Variants in DRC9 observed in about 807,000 individuals in gnomAD.
DRC9 encodes the protein dynein regulatory complex subunit 9.
chr3:197,940,353 T>C, the DRC9 span, among the ~76,000 whole-genome samples: 1 of 150,858 alleles, frequency 6.6e-6, no homozygotes, highest in Non-Finnish European at 1.5e-5. Context: ...GCACATGCTA[T>C]GTACAAGATA....
the DRC9 span, among the ~76,000 whole-genome samples, chr3:197,910,386 C>G: frequency 6.6e-6 from 1 of 152,192 alleles, no homozygotes; most frequent in Non-Finnish European, 1.5e-5. Flanking sequence ...GTCATCCCTT[C>G]GTGATCCATT....
the DRC9 span, among the ~76,000 whole-genome samples, chr3:197,941,229 C>T: frequency 7.3e-6 from 1 of 137,902 alleles, no homozygotes; most frequent in African/African-American, 2.7e-5. Flanking sequence ...TCCCTCCCTT[C>T]CCTTCCCTCT....
At chr3:197,925,876 G>GCC in the DRC9 span, 1 of 625,318 alleles carries the variant, frequency 1.6e-6, no homozygotes, top group South Asian at 1.8e-5. Flanking sequence ...GAGCCACCGT[G>GCC]CCCGGCTATG....
At chr3:197,945,221 G>C in the DRC9 span, among the ~76,000 whole-genome samples, 14 of 152,172 alleles carry the variant, frequency 9.2e-5, no homozygotes, top group African/African-American at 3.1e-4. Flanking sequence ...CACTGTGAGG[G>C]AAGACAGCTG....
chr3:197,940,320 T>C, the DRC9 span, among the ~76,000 whole-genome samples: 1 of 148,898 alleles, frequency 6.7e-6, no homozygotes, highest in Non-Finnish European at 1.5e-5. Context: ...TATATATATA[T>C]ATATAATAAT....
chr3:197,925,840 T>C, the DRC9 span, among the ~76,000 whole-genome samples: 148 of 152,272 alleles, frequency 9.7e-4, no homozygotes, highest in African/African-American at 3.3e-3. Flanking sequence ...CGCCTCAGCC[T>C]CCCAAAGTGC....
the DRC9 span, among the ~76,000 whole-genome samples, chr3:197,901,987 C>T: frequency 6.6e-6 from 1 of 152,166 alleles, no homozygotes; most frequent in East Asian, 1.9e-4. The surrounding 1 kb of genome is among the most constrained non-coding windows in gnomAD (Gnocchi z 4.4). Context: ...CACCAGGGGG[C>T]TTGTGTCACC....
chr3:197,904,036 A>ATTTTTTTTTT, the DRC9 span, among the ~76,000 whole-genome samples: 1 of 75,178 alleles, frequency 1.3e-5, no homozygotes, highest in South Asian at 3.9e-4. Context: ...ATATATATAC[A>ATTTTTTTTTT]TACATATATA....
the DRC9 span, among the ~76,000 whole-genome samples, chr3:197,933,049 T>A: frequency 1.8e-3 from 133 of 75,694 alleles, 1 homozygote; most frequent in Middle Eastern, 0.011. Context: ...TACATATATA[T>A]AAAATACATA....
chr3:197,935,312 C>T, the DRC9 span, among the ~76,000 whole-genome samples: 1 of 151,850 alleles, frequency 6.6e-6, no homozygotes, highest in Non-Finnish European at 1.5e-5. Flanking sequence ...TGGTGACGCA[C>T]GCCAGTAATC....
At chr3:197,949,782 G>C in the DRC9 span, 1 of 341,904 alleles carries the variant, frequency 2.9e-6, no homozygotes, top group Non-Finnish European at 5.2e-6. Flanking sequence ...TTTCCGTTCT[G>C]TCTATTGCTG....
At chr3:197,923,329 G>A in the DRC9 span, among the ~76,000 whole-genome samples, 1 of 152,112 alleles carries the variant, frequency 6.6e-6, no homozygotes, top group African/African-American at 2.4e-5. Context: ...TTTATTTATA[G>A]AGACAGAGTC....
the DRC9 span, among the ~76,000 whole-genome samples, chr3:197,922,190 C>G: frequency 5.3e-3 from 803 of 152,266 alleles, 9 homozygotes; most frequent in African/African-American, 0.019. Flanking sequence ...TGCTGATGAT[C>G]ACAATATCTG....
the DRC9 span, among the ~76,000 whole-genome samples, chr3:197,890,287 C>T: frequency 6.6e-6 from 1 of 152,026 alleles, no homozygotes; most frequent in African/African-American, 2.4e-5. Flanking sequence ...TGCCTATAGT[C>T]CCAGCTGTTT....
chr3:197,890,144 C>T, the DRC9 span, among the ~76,000 whole-genome samples: 1 of 152,136 alleles, frequency 6.6e-6, no homozygotes, highest in Non-Finnish European at 1.5e-5. Flanking sequence ...CCTGTAGTCC[C>T]AGCACTTTGG....
chr3:197,958,817 A>C, the DRC9 span: 2 of 152,286 alleles, frequency 1.3e-5, no homozygotes, highest in Non-Finnish European at 2.9e-5. Context: ...AAATTAAGTC[A>C]AAAGTACTCA....
the DRC9 span, among the ~76,000 whole-genome samples, chr3:197,931,918 C>A: frequency 0.03 from 4,578 of 152,184 alleles, 259 homozygotes; most frequent in African/African-American, 0.11. Flanking sequence ...AGCCACCGCG[C>A]CCGGCCGAAT....
chr3:197,910,839 A>G, the DRC9 span, among the ~76,000 whole-genome samples: 53,824 of 151,498 alleles, frequency 0.36, 12,241 homozygotes, highest in African/African-American at 0.66. Flanking sequence ...AATTAGCTGG[A>G]CGTGCGCCTG....
At chr3:197,913,817 G>C in the DRC9 span, 1 of 1,487,480 alleles carries the variant, frequency 6.7e-7, no homozygotes, top group South Asian at 1.1e-5. Flanking sequence ...TTAGCTGAGA[G>C]GGGATCAGGA....
Sources: allele counts gnomAD v4.1 joint callset (sites outside exome capture counted in the v4.1 genomes callset), GRCh38; gene constraint gnomAD v4.1.1; non-coding constraint Gnocchi (gnomAD v3.1); transcripts MANE v1.5; gene names NCBI Gene and HGNC (gene_info 2026-07-23, HGNC 2026-07-21).